Variants in TJP1 observed in about 807,000 individuals in gnomAD.
TJP1 encodes the protein tight junction protein 1, also known as tight junction protein ZO-1.
In TJP1, 43 loss-of-function variants were observed where a neutral mutation model predicts 194.2. The observed-to-expected ratio is 0.22, with a 90% CI of 0.17 to 0.29. TJP1 has a LOEUF of 0.29. Ranked by LOEUF, TJP1 falls within the 10% of genes least tolerant of loss-of-function variation. TJP1 has a pLI of 1.00. For synonymous variants in TJP1, 801 were observed against 779.0 expected (o/e 1.03, Z -0.47); for missense variants, 1,971 against 2,185.7 (o/e 0.90, Z 1.96).
Position 29,822,441 on chromosome 15 carries a change from C to G in TJP1, c.-413G>C. On this transcript the variant is annotated 5_prime_UTR_variant, in exon 1 of 28. Transcript: ENST00000614355. ...CCAAGGAACGCGGCGTCCGCTGGCT[C>G]AGCCGGCGCCGGCAACTCAGCGGCC... 3 of 987,356 alleles carry G rather than the reference C, an allele frequency of 3.0e-6. No individual in the cohort carries two copies. The highest frequency in any genetic ancestry group is 2.4e-6 in the Non-Finnish European group (2 of 831,380). 61.2% of individuals were successfully genotyped at this position (987,356 alleles called of 1,614,324 possible). A position where few individuals can be genotyped will look rare whatever the true frequency, so the allele number is the denominator to read the frequency against.
At chr15:29,771,975 T>C in intron 4 of TJP1, 89 bp downstream of exon 4, 1 of 827,596 alleles carries the variant, frequency 1.2e-6, no homozygotes, top group South Asian at 1.9e-5. Flanking sequence ...TCAGTTTTCC[T>C]TAAATGGGAA....
intron 2 of TJP1, among the ~76,000 whole-genome samples, chr15:29,897,626 G>A (rs996803780): frequency 2.0e-5 from 3 of 152,170 alleles, no homozygotes; most frequent in Non-Finnish European, 4.4e-5. Flanking sequence ...ATACCAGTCC[G>A]TAAAAGCAGC....
At chr15:29,910,247 A>T (rs1033717520) in intron 2 of TJP1, among the ~76,000 whole-genome samples, 1 of 152,260 alleles carries the variant, frequency 6.6e-6, no homozygotes, top group African/African-American at 2.4e-5. Flanking sequence ...AAATAAATAC[A>T]GTACTTATTT....
At chr15:29,750,239 A>C (rs2337168) in intron 8 of TJP1, among the ~76,000 whole-genome samples, 1 of 152,218 alleles carries the variant, frequency 6.6e-6, no homozygotes, top group South Asian at 2.1e-4. Flanking sequence ...ATCTGCCCTC[A>C]TGATCAGCCC....
intron 18 of TJP1, among the ~76,000 whole-genome samples, chr15:29,723,737 CT>C (rs2043074915): frequency 1.3e-5 from 2 of 152,096 alleles, no homozygotes; most frequent in Non-Finnish European, 2.9e-5. Flanking sequence ...TAATGCTTTT[CT>C]TTTGTTAAGT....
intron 2 of TJP1, among the ~76,000 whole-genome samples, chr15:29,931,484 G>A (rs1224275900): frequency 2.0e-5 from 3 of 152,090 alleles, no homozygotes; most frequent in South Asian, 2.1e-4. Context: ...CACATATAAC[G>A]AGTCCAAATT....
intron 8 of TJP1, among the ~76,000 whole-genome samples, chr15:29,754,260 C>T (rs145625421): frequency 7.9e-5 from 12 of 152,246 alleles, no homozygotes; most frequent in African/African-American, 1.9e-4. Flanking sequence ...CCTTAGCAAA[C>T]GAATGCAGGA....
At chr15:29,736,383 G>C (rs191447175) in intron 11 of TJP1, among the ~76,000 whole-genome samples, 3 of 152,316 alleles carry the variant, frequency 2.0e-5, no homozygotes, top group Admixed American at 2.0e-4. Context: ...ACAAGATTCT[G>C]GAGCAGACAG....
At chr15:29,869,781 T>G (rs1451382495) in intron 2 of TJP1, among the ~76,000 whole-genome samples, 1 of 131,122 alleles carries the variant, frequency 7.6e-6, no homozygotes, top group African/African-American at 2.8e-5. Flanking sequence ...TCCCCTGTCT[T>G]TCTTTCTTTC....
chr15:29,922,342 A>C (rs1035600851), intron 2 of TJP1, among the ~76,000 whole-genome samples: 2 of 152,170 alleles, frequency 1.3e-5, no homozygotes, highest in Admixed American at 1.3e-4. Flanking sequence ...ATCTGTTTTC[A>C]AATGTATTTG....
chr15:29,893,903 G>A (rs1397990216), intron 2 of TJP1, among the ~76,000 whole-genome samples: 1 of 152,146 alleles, frequency 6.6e-6, no homozygotes, highest in Non-Finnish European at 1.5e-5. Flanking sequence ...TTGTTCCCCT[G>A]TGAAATAAGG....
At chr15:29,903,938 A>C (rs2053719855) in intron 2 of TJP1, among the ~76,000 whole-genome samples, 1 of 152,206 alleles carries the variant, frequency 6.6e-6, no homozygotes, top group African/African-American at 2.4e-5. Context: ...TATCATGCTC[A>C]TACAAAATGA....
chr15:29,814,241 A>G (rs2049739263), intron 1 of TJP1, among the ~76,000 whole-genome samples: 1 of 152,260 alleles, frequency 6.6e-6, no homozygotes, highest in Admixed American at 6.5e-5. Flanking sequence ...CTCTGTTATT[A>G]CAGGATGACC....
At chr15:29,721,127 G>C (rs576651023) in intron 18 of TJP1, among the ~76,000 whole-genome samples, 1 of 152,330 alleles carries the variant, frequency 6.6e-6, no homozygotes, top group East Asian at 1.9e-4. Context: ...GAATACCTAT[G>C]AAATAAACCC....
chr15:29,822,537 G>A, upstream of TJP1: 7 of 976,260 alleles, frequency 7.2e-6, no homozygotes, highest in Non-Finnish European at 7.3e-6. Context: ...GAGGCGAGGC[G>A]AGGCGAGGCG....
At chr15:29,879,646 G>A (rs2152129212) in intron 2 of TJP1, among the ~76,000 whole-genome samples, 1 of 152,234 alleles carries the variant, frequency 6.6e-6, no homozygotes, top group South Asian at 2.1e-4. Flanking sequence ...CTGGCCACCT[G>A]GTACCATAGT....
At chr15:29,822,535 G>C, upstream of TJP1, 1 of 977,746 alleles carries the variant, frequency 1.0e-6, no homozygotes, top group Non-Finnish European at 1.2e-6. Flanking sequence ...ACGAGGCGAG[G>C]CGAGGCGAGG....
chr15:29,918,384 C>T (rs976588188), intron 2 of TJP1, among the ~76,000 whole-genome samples: 1 of 152,086 alleles, frequency 6.6e-6, no homozygotes, highest in African/African-American at 2.4e-5. Context: ...TTTAGGAAAA[C>T]TTCCCAACGT....
At chr15:29,835,447 A>G (rs546741614) in intron 2 of TJP1, among the ~76,000 whole-genome samples, 2 of 152,290 alleles carry the variant, frequency 1.3e-5, no homozygotes, top group East Asian at 1.9e-4. Flanking sequence ...GTTTGGAAAC[A>G]TTCTGACAAA....
Sources: allele counts gnomAD v4.1 joint callset (sites outside exome capture counted in the v4.1 genomes callset), GRCh38; gene constraint gnomAD v4.1.1; transcripts MANE v1.5; gene names NCBI Gene and HGNC (gene_info 2026-07-23, HGNC 2026-07-21).